The following SBK1 variants were observed in gnomAD, a reference collection of about 807,000 sequenced individuals.
SBK1 encodes the protein SH3 domain binding kinase 1, also known as serine/threonine-protein kinase SBK1.
Under a neutral mutation model 24.4 loss-of-function variants are expected in SBK1, and 11 were observed. The observed-to-expected ratio is 0.45, with a 90% CI of 0.28 to 0.75. The LOEUF is 0.75. Among genes scored for constraint, SBK1 ranks in the 30% least tolerant of loss-of-function variants. The pLI, the probability that SBK1 is intolerant of heterozygous loss-of-function variation, is 0.12. For missense variants in SBK1, 467 were observed against 620.5 expected (o/e 0.75, Z 2.63); for synonymous variants, 308 against 284.4 (o/e 1.08, Z -0.83).
chr16:28,279,762 C>G (rs1363538717), intron 1 of SBK1, among the ~76,000 whole-genome samples: 1 of 152,054 alleles, frequency 6.6e-6, no homozygotes, highest in East Asian at 1.9e-4. Flanking sequence ...AGGGTCGGCA[C>G]TGAGGGCAGC....
chr16:28,293,050 C>G lies in SBK1; in HGVS notation c.-258C>G. 1.0e-6 allele frequency: 1 copy of G among 985,482 alleles called. No homozygotes were observed. The highest frequency in any genetic ancestry group is 1.2e-6 in the Non-Finnish European group (1 of 829,868). The allele number at this position is 985,482 out of a possible 1,614,324, so 61.0% of individuals were successfully genotyped here. On this transcript the variant is annotated 5_prime_UTR_variant, in exon 1 of 4. Transcript: ENST00000341901. Reference sequence around the variant, plus strand: ...AGAACGCCCCTAGATCAGGGGATCCCAATTCCCCCCAACTCCGGTACATAG... The same window carrying G: ...AGAACGCCCCTAGATCAGGGGATCCGAATTCCCCCCAACTCCGGTACATAG...
At chr16:28,315,188 A>T (rs377509025) in intron 1 of SBK1, among the ~76,000 whole-genome samples, 1 of 150,950 alleles carries the variant, frequency 6.6e-6, no homozygotes, top group Non-Finnish European at 1.5e-5. Context: ...CCATTTACAG[A>T]TGAGAAATGA....
intron 1 of SBK1, among the ~76,000 whole-genome samples, chr16:28,303,160 G>T (rs1223765280): frequency 6.6e-6 from 1 of 151,648 alleles, no homozygotes; most frequent in African/African-American, 2.4e-5. Flanking sequence ...AGAATATGGG[G>T]GGGAGATGGG....
At position 28,321,116 on chromosome 16, in the gene SBK1, G is replaced by A; in HGVS notation, c.*195G>A. On this transcript the variant is annotated 3_prime_UTR_variant, in exon 4 of 4. Coordinates refer to ENST00000341901, the MANE Select transcript of SBK1 (RefSeq NM_001024401.3). ...CCACCAAAGACCCCTAGCGCGGCCT[G>A]GTGAGCGGGGGCTTGGCCCAGAGGA... 2.3e-6 allele frequency: 1 copy of A among 442,252 alleles called. No homozygotes were observed. The highest frequency in any genetic ancestry group is 3.6e-5 in the South Asian group (1 of 27,842). 27.4% of individuals were successfully genotyped at this position (442,252 alleles called of 1,614,324 possible).
chr16:28,300,668 G>A (rs1432353094), intron 1 of SBK1, among the ~76,000 whole-genome samples: 1 of 152,222 alleles, frequency 6.6e-6, no homozygotes, highest in Non-Finnish European at 1.5e-5. Flanking sequence ...TGTAAAGGAT[G>A]TAAGGGGATT....
rs1019809967 is a variant in SBK1, at chr16:28,297,299, C to G, written c.-8+3999C>G. The stretch of plus-strand genomic sequence containing the variant: ...TGAGCCGAGATTGTGCCACTGCACT[C>G]CAGCCTGGGTGACAGACTGAGAGTC... On this transcript the variant is annotated intron_variant, in intron 1 of 3. Transcript: ENST00000341901. Among the ~76,000 whole-genome samples, 5 of 152,212 alleles carry G rather than the reference C, an allele frequency of 3.3e-5. No individual in the cohort carries two copies. The East Asian group carries it at 9.7e-4, about 29-fold the overall frequency.
chr16:28,311,934 AG>A (rs1422589933), intron 1 of SBK1, among the ~76,000 whole-genome samples: 2 of 152,256 alleles, frequency 1.3e-5, no homozygotes, highest in African/African-American at 4.8e-5. Context: ...TGTGGGAGGC[AG>A]GGAGGGCTTG....
At chr16:28,316,428 C>T (rs983065697) in intron 1 of SBK1, among the ~76,000 whole-genome samples, 16 of 152,140 alleles carry the variant, frequency 1.1e-4, no homozygotes, top group African/African-American at 3.9e-4. Context: ...GCTGTGTCCT[C>T]CAGGCTTTGG....
intron 1 of SBK1, among the ~76,000 whole-genome samples, chr16:28,311,581 G>A (rs2044755121): frequency 6.6e-6 from 1 of 151,944 alleles, no homozygotes; most frequent in Admixed American, 6.6e-5. Flanking sequence ...CACACCTGCA[G>A]TCCTAGCTAC....
At chr16:28,280,149 A>ATATATATATGTGTGTGTGTGTGTGTG (rs1230385223) in intron 1 of SBK1, among the ~76,000 whole-genome samples, 15 of 39,390 alleles carry the variant, frequency 3.8e-4, no homozygotes, top group South Asian at 1.7e-3. Context: ...ATATATATAT[A>ATATATATATGTGTGTGTGTGTGTGTG]TGTGTGTGTG....
chr16:28,320,325 G>C lies in SBK1; in HGVS notation c.679G>C (p.Gly227Arg). Residue 227 changes from glycine (G) to arginine (R), a missense_variant, in exon 4 of 4, where the codon GGG becomes CGG. By Grantham distance (125) the Gly-to-Arg change is moderately radical (BLOSUM62 -2). Coordinates refer to ENST00000341901, the MANE Select transcript of SBK1 (RefSeq NM_001024401.3). This position sits in a 1 kb window ranked among gnomAD's most constrained non-coding sequence, Gnocchi z 8.5. ...GGTGTGCCAGGCGGGCCGCGCCGACGGGCTGGCGGTGGACACGGGCGTGGA... is the reference window on the plus strand; with the variant it reads ...GGTGTGCCAGGCGGGCCGCGCCGACCGGCTGGCGGTGGACACGGGCGTGGA... ...PEVCQAGRAD[G>R]LAVDTGVDVW... The C allele has an allele frequency of 1.3e-6, 2 of 1,591,780 alleles. No homozygotes were observed. Among genetic ancestry groups the C allele is most frequent in the Non-Finnish European group, 8.5e-7 (1 of 1,175,374 alleles).
chr16:28,310,606 G>A (rs749388625), intron 1 of SBK1, among the ~76,000 whole-genome samples: 17 of 152,210 alleles, frequency 1.1e-4, no homozygotes, highest in Non-Finnish European at 2.4e-4. Flanking sequence ...CACTTTGAGA[G>A]GCCAAGGCAG....
intron 1 of SBK1, among the ~76,000 whole-genome samples, chr16:28,274,836 A>C (rs2044486717): frequency 6.6e-6 from 1 of 152,082 alleles, no homozygotes; most frequent in African/African-American, 2.4e-5. Context: ...CTGTAATGTG[A>C]GGGGGGATAG....
chr16:28,260,344 A>G (rs943568141), intron 1 of SBK1, among the ~76,000 whole-genome samples: 2 of 151,940 alleles, frequency 1.3e-5, no homozygotes. Context: ...GGCTCCAGCC[A>G]AGTGCATTAT....
chr16:28,297,086 T>C (rs2044645976), intron 1 of SBK1, among the ~76,000 whole-genome samples: 1 of 152,124 alleles, frequency 6.6e-6, no homozygotes, highest in African/African-American at 2.4e-5. Flanking sequence ...TCCCACCACT[T>C]TGGGAGGCTG....
chr16:28,281,515 T>C (rs1325127039), intron 1 of SBK1, among the ~76,000 whole-genome samples: 1 of 151,882 alleles, frequency 6.6e-6, no homozygotes, highest in Admixed American at 6.6e-5. Flanking sequence ...GGAATCGGGA[T>C]AAAATGGAAT....
At chr16:28,292,431 G>T (rs1364699965), upstream of SBK1, 3 of 661,910 alleles carry the variant, frequency 4.5e-6, no homozygotes, top group South Asian at 6.5e-5. Context: ...CGCGCCGAGC[G>T]GGACGGACAA....
At chr16:28,308,870 G>A (rs138900616) in intron 1 of SBK1, among the ~76,000 whole-genome samples, 6 of 151,444 alleles carry the variant, frequency 4.0e-5, no homozygotes, top group East Asian at 1.9e-4. Context: ...CTGCAGCCTC[G>A]AACTCCTGAC....
Position 28,321,182 on chromosome 16 carries a change from AACACACACACACACACACACAC to A in SBK1, c.*296_*317del, listed in dbSNP as rs55860114. ...CCCGAGAATTCGGAGGCCACCACAC[AACACACACACACACACACACAC>A]ACACACACACACACACACACACACA... On this transcript the variant is annotated 3_prime_UTR_variant, in exon 4 of 4. Coordinates refer to ENST00000341901, the MANE Select transcript of SBK1 (RefSeq NM_001024401.3). 4,242 of 191,734 alleles carry A rather than the reference AACACACACACACACACACACAC, an allele frequency of 0.022. 75 individuals carry two copies. The highest frequency in any genetic ancestry group is 0.029 in the Non-Finnish European group (2,999 of 102,290). The allele number at this position is 191,734 out of a possible 1,614,324, so 11.9% of individuals were successfully genotyped here. A position where few individuals can be genotyped will look rare whatever the true frequency, so the allele number is the denominator to read the frequency against.
Sources: gnomAD v4.1 joint callset for allele counts (sites outside exome capture counted in the v4.1 genomes callset) on GRCh38, gnomAD v4.1.1 for gene constraint, Gnocchi (gnomAD v3.1) non-coding constraint, MANE v1.5 for transcripts, NCBI Gene and HGNC (gene_info 2026-07-23, HGNC 2026-07-21) for gene names.